The following USP3 variants were observed in gnomAD, a reference collection of about 807,000 sequenced individuals.
USP3 encodes ubiquitin carboxyl-terminal hydrolase 3.
Under a neutral mutation model 72.3 loss-of-function variants are expected in USP3, and 20 were observed. The observed-to-expected ratio is 0.28, with a 90% CI of 0.19 to 0.40. USP3 has a LOEUF of 0.40. Among genes scored for constraint, USP3 ranks in the 10% least tolerant of loss-of-function variants. The pLI is 1.00. For synonymous variants in USP3, 222 were observed against 225.3 expected (o/e 0.99, Z 0.13); for missense variants, 479 against 633.9 (o/e 0.76, Z 2.62).
At chr15:63,554,733 T>G (rs906509339) in intron 4 of USP3, among the ~76,000 whole-genome samples, 11 of 152,220 alleles carry the variant, frequency 7.2e-5, no homozygotes, top group Non-Finnish European at 1.2e-4. Flanking sequence ...CCACAGACAT[T>G]ATGTATGTCT....
chr15:63,530,283 C>T (rs376810325), intron 1 of USP3, among the ~76,000 whole-genome samples: 15,568 of 112,968 alleles, frequency 0.14, 1,248 homozygotes, highest in South Asian at 0.19. Flanking sequence ...CCCTCCCTCC[C>T]TCCTTCCCTC....
rs1302741696 is a variant in USP3 at position 63,570,497 on chromosome 15, C to G, written c.826C>G (p.Leu276Val). ...RYLLDHLHLELQGGFNGVSRS... is the reference protein window; with the variant it reads ...RYLLDHLHLEVQGGFNGVSRS... ...CCTTTTGGACCACCTACACTTGGAA[C>G]TTCAGGGCGGTTTCAACGGTGTTTC... The change falls in exon 9 of 15, where the codon CTT becomes GTT. Residue 276 changes from leucine to valine, a missense_variant. By Grantham distance (32) the Leu-to-Val change is conservative. Transcript: ENST00000380324. The surrounding 1 kb of genome is among the most constrained non-coding windows in gnomAD (Gnocchi z 4.4). 1 of 1,614,106 alleles carries G rather than the reference C, an allele frequency of 6.2e-7. No individual in the cohort carries two copies. The highest frequency in any genetic ancestry group is 8.5e-7 in the Non-Finnish European group (1 of 1,180,044).
At chr15:63,585,629 A>G (rs1207363027) in intron 11 of USP3, among the ~76,000 whole-genome samples, 1 of 152,136 alleles carries the variant, frequency 6.6e-6, no homozygotes, top group African/African-American at 2.4e-5. Flanking sequence ...ATTTTAATGA[A>G]GTCCAACTTA....
In USP3 at chr15:63,528,306, A is replaced by G. The variant is rs193204286; in HGVS notation, c.92-4341A>G. ...TTATGAGACTCCCAGTCACACCGCT[A>G]TGGCCAAGTGTGAGAAATAAATTGC... On this transcript the variant is annotated intron_variant, in intron 1 of 14. Coordinates refer to ENST00000380324, the MANE Select transcript of USP3 (RefSeq NM_006537.4). This position sits in a 1 kb window ranked among gnomAD's most constrained non-coding sequence, Gnocchi z 4.3. Among the ~76,000 whole-genome samples the G allele has an allele frequency of 1.6e-3, 238 of 152,308 alleles. No individual in the cohort carries two copies. The highest frequency in any genetic ancestry group is 5.2e-3 in the African/African-American group (217 of 41,570).
intron 3 of USP3, among the ~76,000 whole-genome samples, chr15:63,549,917 C>A (rs912062365): frequency 2.6e-5 from 4 of 152,232 alleles, no homozygotes; most frequent in African/African-American, 7.2e-5. Flanking sequence ...CCAACATTAG[C>A]TAATAATGTG....
chr15:63,563,936 G>A (rs1364445219), intron 8 of USP3, among the ~76,000 whole-genome samples: 1 of 152,170 alleles, frequency 6.6e-6, no homozygotes, highest in Non-Finnish European at 1.5e-5. Context: ...AGTAACTAGT[G>A]TTAACCCTAG....
chr15:63,550,498 C>A (rs7168111), intron 3 of USP3, among the ~76,000 whole-genome samples: 17,900 of 152,160 alleles, frequency 0.12, 1,390 homozygotes, highest in African/African-American at 0.22. Context: ...GTAGAGAATT[C>A]AAAAATATCT....
chr15:63,588,730 A>T lies in USP3; in HGVS notation c.1244A>T (p.His415Leu). Reference protein sequence around the residue: ...KVLCLHLKRFHWTAYLRNKVD... With the variant: ...KVLCLHLKRFLWTAYLRNKVD... The stretch of plus-strand genomic sequence containing the variant: ...CTATGCTTACATTTGAAAAGATTTC[A>T]TTGGACAGCATATTTAAGAAATAAA... The change falls in exon 13 of 15, where the codon CAT becomes CTT. Residue 415 changes from histidine (H) to leucine (L), a missense_variant. By Grantham distance (99) the His-to-Leu change is moderately conservative. Transcript: ENST00000380324. This position sits in a 1 kb window ranked among gnomAD's most constrained non-coding sequence, Gnocchi z 4.6. 6.2e-7 allele frequency: 1 copy of T among 1,614,100 alleles called. No individual in the cohort carries two copies. Among genetic ancestry groups the T allele is most frequent in the Non-Finnish European group, 8.5e-7 (1 of 1,179,948 alleles).
chr15:63,513,357 C>G (rs1595703173), intron 1 of USP3, among the ~76,000 whole-genome samples: 2 of 152,082 alleles, frequency 1.3e-5, no homozygotes, highest in African/African-American at 2.4e-5. Context: ...CCTTGATGAC[C>G]AAGCTCAGGT....
chr15:63,559,900 G>C lies in USP3; in HGVS notation c.577G>C (p.Val193Leu). The C allele has an allele frequency of 6.2e-7, 1 of 1,613,916 alleles. No homozygotes were observed. ...CTGTTATTTCAAAGAACTGCCCGCC[G>C]TGGAGTTAAGGAATGGGAAAACAGC... ...FCCYFKELPA[V>L]ELRNGKTAGR... is the part of the protein sequence containing the mutation. Residue 193 changes from valine to leucine, a missense_variant, in exon 7 of 15, where the codon GTG becomes CTG. Coordinates refer to ENST00000380324, the MANE Select transcript of USP3 (RefSeq NM_006537.4).
chr15:63,560,415 C>CAAAA (rs1172049542), intron 7 of USP3, among the ~76,000 whole-genome samples: 1,255 of 97,904 alleles, frequency 0.013, 12 homozygotes, highest in Non-Finnish European at 0.02. Context: ...GACTCCATCT[C>CAAAA]AAAAAAAAAA....
intron 11 of USP3, among the ~76,000 whole-genome samples, chr15:63,578,310 GA>G (rs1413312183): frequency 1.3e-5 from 2 of 151,648 alleles, no homozygotes; most frequent in African/African-American, 4.8e-5. Flanking sequence ...ATTAGGAATA[GA>G]AATGTTAACT....
intron 1 of USP3, among the ~76,000 whole-genome samples, chr15:63,512,529 T>G (rs2065804777): frequency 6.6e-6 from 1 of 151,972 alleles, no homozygotes; most frequent in African/African-American, 2.4e-5. Flanking sequence ...CACCGAAACC[T>G]CCACTCCCAG....
At chr15:63,542,285 T>G (rs1483070169) in intron 3 of USP3, 1 of 776,004 alleles carries the variant, frequency 1.3e-6, no homozygotes, top group Non-Finnish European at 1.6e-6. Context: ...AAGAATTAAG[T>G]GTTTTTTATT....
intron 1 of USP3, among the ~76,000 whole-genome samples, chr15:63,523,863 G>A (rs940988261): frequency 6.6e-6 from 1 of 152,150 alleles, no homozygotes; most frequent in African/African-American, 2.4e-5. Context: ...CTTCAGTAAA[G>A]CCTGGGGTTT....
At chr15:63,589,228 G>C in intron 14 of USP3, 1 of 575,902 alleles carries the variant, frequency 1.7e-6, no homozygotes. Flanking sequence ...TGGTTCATTT[G>C]AACCCAGTAT....
At position 63,568,296 on chromosome 15, in the gene USP3, A is replaced by G. The variant is rs534972175; in HGVS notation, c.762-2137A>G. Among the ~76,000 whole-genome samples, 32 of 151,122 alleles carry G rather than the reference A, an allele frequency of 2.1e-4. No individual in the cohort carries two copies. The East Asian group carries it at 6.2e-3, about 29-fold the overall frequency. ...CTTGAACCAGGGAGTCGGAGGTTGCAGTGAGCCAAGATAGCACCGTTGCAC... is the reference window on the plus strand; with the variant it reads ...CTTGAACCAGGGAGTCGGAGGTTGCGGTGAGCCAAGATAGCACCGTTGCAC... On this transcript the variant is annotated intron_variant, in intron 8 of 14. Transcript: ENST00000380324.
At chr15:63,533,071 G>GTA (rs1239477916) in intron 2 of USP3, among the ~76,000 whole-genome samples, 1 of 151,948 alleles carries the variant, frequency 6.6e-6, no homozygotes, top group African/African-American at 2.4e-5. Context: ...CATAGAGATG[G>GTA]TATAATTGAA....
intron 11 of USP3, among the ~76,000 whole-genome samples, chr15:63,581,833 C>T (rs1251913894): frequency 6.6e-6 from 1 of 152,074 alleles, no homozygotes; most frequent in Non-Finnish European, 1.5e-5. Flanking sequence ...ACTACAGGCA[C>T]ATGCTGCAAT....
Sources: allele counts gnomAD v4.1 joint callset (sites outside exome capture counted in the v4.1 genomes callset), GRCh38; gene constraint gnomAD v4.1.1; non-coding constraint Gnocchi (gnomAD v3.1); transcripts MANE v1.5; gene names NCBI Gene and HGNC (gene_info 2026-07-23, HGNC 2026-07-21).